TCAF1: variants seen among roughly 807,000 people sequenced by gnomAD.
The protein encoded by TCAF1 is TRPM8 channel associated factor 1.
Under a neutral mutation model 27.3 loss-of-function variants are expected in TCAF1, and 4 were observed. The observed-to-expected ratio is 0.15, with a 90% confidence interval of 0.07 to 0.34. The LOEUF (loss-of-function observed/expected upper bound fraction) is 0.34. Among genes scored for constraint, TCAF1 ranks in the 10% least tolerant of loss-of-function variants. The probability of loss-of-function intolerance (pLI) is 1.00; values close to 1 mark genes in which losing one functional copy is unlikely to be tolerated. For synonymous variants in TCAF1, 105 were observed against 167.1 expected (o/e 0.63, Z 2.87); for missense variants, 257 against 425.8 (o/e 0.60, Z 3.49).
intron 2 of TCAF1, among the ~76,000 whole-genome samples, chr7:143,873,671 G>T (rs1812555424): frequency 7.9e-6 from 1 of 125,978 alleles, no homozygotes; most frequent in Non-Finnish European, 1.7e-5. Context: ...ACATTAATGT[G>T]CTAATAGGCA....
Position 143,876,629 on chromosome 7 carries a change from A to G in TCAF1, c.-14-7T>C, listed in dbSNP as rs924098522. ...GCCATGGCTCTATTGGTTTCTGCAG[A>G]GAAGAAAGCAAAGGCTCAGCTTAGC... On this transcript the variant is annotated splice_region_variant and splice_polypyrimidine_tract_variant and intron_variant, in intron 1 of 8. Transcript: ENST00000479870. The G allele has an allele frequency of 2.7e-6, 4 of 1,482,142 alleles. No homozygotes were observed. Among genetic ancestry groups the G allele is most frequent in the African/African-American group, 1.4e-5 (1 of 71,298 alleles). 91.8% of individuals were successfully genotyped at this position (1,482,142 alleles called of 1,614,324 possible).
intron 1 of TCAF1, among the ~76,000 whole-genome samples, chr7:143,897,296 T>C (rs906014237): frequency 9.9e-5 from 15 of 151,330 alleles, no homozygotes; most frequent in African/African-American, 3.6e-4. Context: ...CTCCTCATCC[T>C]TAGCCTACTC....
At position 143,882,299 on chromosome 7, in the gene TCAF1, AAGGGCAGT is replaced by A. The variant is rs1391752083; in HGVS notation, c.-14-5685_-14-5678del. ...CCAAAGCCAGTGTTCACAAAGATCA[AAGGGCAGT>A]AGGACAGTAGGCCACAAGTAATGCT... is the stretch of plus-strand genomic sequence containing the variant. On this transcript the variant is annotated intron_variant, in intron 1 of 8. Transcript: ENST00000479870. 2.6e-5 allele frequency among the ~76,000 whole-genome samples: 4 copies of A among 152,080 alleles called. No individual in the cohort carries two copies. The South Asian group carries it at 8.3e-4, about 32-fold the overall frequency.
At chr7:143,870,320 T>G (rs1390322759) in intron 2 of TCAF1, among the ~76,000 whole-genome samples, 1 of 152,064 alleles carries the variant, frequency 6.6e-6, no homozygotes, top group Non-Finnish European at 1.5e-5. Context: ...TCACTGAGTT[T>G]CAAATTTTCT....
At chr7:143,894,615 G>C (rs1813790114) in intron 1 of TCAF1, among the ~76,000 whole-genome samples, 1 of 151,696 alleles carries the variant, frequency 6.6e-6, no homozygotes, top group Non-Finnish European at 1.5e-5. Context: ...GAACTATTAA[G>C]CATAAGGAAT....
At chr7:143,885,432 C>T in intron 1 of TCAF1, 2 of 985,438 alleles carry the variant, frequency 2.0e-6, no homozygotes, top group Non-Finnish European at 2.4e-6. Flanking sequence ...GCTTGGCCGC[C>T]GCCCCCGGAC....
At position 143,852,535 on chromosome 7, in the gene TCAF1, A is replaced by G. The variant is rs565137269; in HGVS notation, c.*1598T>C. Reference sequence around the variant, plus strand: ...TTTCTGAAAATTTGCCTGACAGAAAATGTCTTCACTTTGATGTTCTTCTTG... The same window carrying G: ...TTTCTGAAAATTTGCCTGACAGAAAGTGTCTTCACTTTGATGTTCTTCTTG... On this transcript the variant is annotated 3_prime_UTR_variant, in exon 9 of 9. Coordinates refer to ENST00000479870, the MANE Select transcript of TCAF1 (RefSeq NM_014719.3). The G allele has an allele frequency of 6.5e-6, 1 of 153,106 alleles. No homozygotes were observed. Among genetic ancestry groups the G allele is most frequent in the Admixed American group, 6.5e-5 (1 of 15,316 alleles). The allele number at this position is 153,106 out of a possible 1,614,324, so 9.5% of individuals were successfully genotyped here.
intron 1 of TCAF1, chr7:143,882,516 A>C: frequency 1.0e-6 from 1 of 985,306 alleles, no homozygotes; most frequent in Non-Finnish European, 1.2e-6. Flanking sequence ...TGCGGGACCC[A>C]AGCGCAGAGG....
chr7:143,896,305 T>C (rs1813868546), intron 1 of TCAF1, among the ~76,000 whole-genome samples: 1 of 151,966 alleles, frequency 6.6e-6, no homozygotes, highest in South Asian at 2.1e-4. Context: ...ATGTTCAATT[T>C]ACAACAATTC....
intron 1 of TCAF1, among the ~76,000 whole-genome samples, chr7:143,892,745 T>C (rs1813701876): frequency 1.3e-5 from 2 of 152,098 alleles, no homozygotes. Flanking sequence ...TAATTAGATG[T>C]AGATGATGTC....
chr7:143,901,309 ACTT>A (rs920759041), intron 1 of TCAF1, among the ~76,000 whole-genome samples: 4 of 152,178 alleles, frequency 2.6e-5, no homozygotes, highest in African/African-American at 9.7e-5. Flanking sequence ...TTCGAGCTGT[ACTT>A]CTTCTAAATT....
intron 1 of TCAF1, among the ~76,000 whole-genome samples, chr7:143,891,721 T>C (rs1312267536): frequency 1.3e-5 from 2 of 151,940 alleles, no homozygotes; most frequent in Non-Finnish European, 2.9e-5. Context: ...ACAAGCAAAA[T>C]GTTATCAATT....
intron 1 of TCAF1, among the ~76,000 whole-genome samples, chr7:143,892,102 A>T (rs185573883): frequency 1.3e-5 from 2 of 152,304 alleles, no homozygotes; most frequent in Admixed American, 6.5e-5. Flanking sequence ...ACTAAAACTA[A>T]TTTTTTATGA....
At chr7:143,885,060 G>GC (rs989060983) in intron 1 of TCAF1, 51 of 985,214 alleles carry the variant, frequency 5.2e-5, no homozygotes, top group Non-Finnish European at 6.0e-5. Context: ...CCCCGCGTGC[G>GC]CCCCCCTCGG....
chr7:143,882,419 G>C (rs1438021281), intron 1 of TCAF1: 6 of 985,370 alleles, frequency 6.1e-6, no homozygotes. Context: ...TCTAGGTCAG[G>C]CCCTCAGGTA....
chr7:143,893,269 A>G (rs557202414), intron 1 of TCAF1, among the ~76,000 whole-genome samples: 80 of 152,284 alleles, frequency 5.3e-4, no homozygotes, highest in African/African-American at 1.9e-3. Context: ...AAATTTATAA[A>G]GCAAAGTTGA....
At chr7:143,892,098 A>C (rs1225240223) in intron 1 of TCAF1, among the ~76,000 whole-genome samples, 1 of 152,192 alleles carries the variant, frequency 6.6e-6, no homozygotes, top group African/African-American at 2.4e-5. Context: ...AACTACTAAA[A>C]CTAATTTTTT....
chr7:143,896,089 T>G (rs1290027595), intron 1 of TCAF1, among the ~76,000 whole-genome samples: 1 of 151,760 alleles, frequency 6.6e-6, no homozygotes, highest in African/African-American at 2.4e-5. Flanking sequence ...AAACAATATT[T>G]TAAAAATCCA....
intron 1 of TCAF1, among the ~76,000 whole-genome samples, chr7:143,896,066 G>A (rs1468577698): frequency 6.6e-6 from 1 of 151,528 alleles, no homozygotes; most frequent in East Asian, 1.9e-4. Flanking sequence ...TCAATGACAA[G>A]TTATAAATTG....
Sources: gnomAD v4.1 joint callset for allele counts (sites outside exome capture counted in the v4.1 genomes callset) on GRCh38, gnomAD v4.1.1 for gene constraint, MANE v1.5 for transcripts, NCBI Gene and HGNC (gene_info 2026-07-23, HGNC 2026-07-21) for gene names.